The following PRAG1 variants were observed in gnomAD, a reference collection of about 807,000 sequenced individuals.
PRAG1 encodes inactive tyrosine-protein kinase PRAG1.
PRAG1 carries 110 observed loss-of-function variants against 95.6 expected under a neutral mutation model. The ratio of observed to expected loss-of-function variants is 1.15; its 90% CI spans 0.99 to 1.35. The LOEUF (loss-of-function observed/expected upper bound fraction) is 1.35, where lower values mean the gene tolerates loss of function less well. Among genes scored for constraint, PRAG1 ranks in the 40% most tolerant of loss-of-function variants. The pLI is 0.00. For synonymous variants in PRAG1, 1,052 were observed against 819.4 expected, an observed-to-expected ratio of 1.28 and a Z score of -4.85; for missense variants, 2,554 against 1,864.7, an observed-to-expected ratio of 1.37 and a Z score of -6.81.
intron 3 of PRAG1, among the ~76,000 whole-genome samples, chr8:8,375,178 T>C (rs1427870529): frequency 6.6e-6 from 1 of 151,410 alleles, no homozygotes; most frequent in African/African-American, 2.4e-5. Context: ...TTCAGCATGC[T>C]AACACAAAAC....
At chr8:8,380,896 A>T (rs1800612916) in intron 2 of PRAG1, among the ~76,000 whole-genome samples, 3 of 149,384 alleles carry the variant, frequency 2.0e-5, no homozygotes, top group Admixed American at 2.0e-4. Context: ...TGATAATGGT[A>T]TTGTGGTTAT....
In PRAG1 at chr8:8,377,225, C is replaced by T. The variant is rs779942164; in HGVS notation, c.1184G>A (p.Gly395Glu). The change falls in exon 3 of 6, where the codon GGG becomes GAG. Residue 395 changes from glycine (G) to glutamate (E), a missense_variant. Coordinates refer to ENST00000615670, the MANE Select transcript of PRAG1 (RefSeq NM_001080826.3). Reference sequence around the variant, plus strand: ...GGGGTGGGCCGGGGGCTGGGGCTCCCCCGTCAGCCCAAGGCATCTGCTAGG... The same window carrying T: ...GGGGTGGGCCGGGGGCTGGGGCTCCTCCGTCAGCCCAAGGCATCTGCTAGG... ...VTPSRCLGLTGEPQPPAHPRE... is the reference protein window; with the variant it reads ...VTPSRCLGLTEEPQPPAHPRE... 6.2e-7 allele frequency: 1 copy of T among 1,612,394 alleles called. No homozygotes were observed. Among genetic ancestry groups the T allele is most frequent in the Non-Finnish European group, 8.5e-7 (1 of 1,179,822 alleles).
chr8:8,364,036 A>C (rs944489118), intron 3 of PRAG1, among the ~76,000 whole-genome samples: 1 of 152,180 alleles, frequency 6.6e-6, no homozygotes. Context: ...CCCTGCTACT[A>C]TAATGTTATG....
At chr8:8,375,354 C>A (rs541634844) in intron 3 of PRAG1, among the ~76,000 whole-genome samples, 27 of 152,268 alleles carry the variant, frequency 1.8e-4, no homozygotes, top group African/African-American at 5.8e-4. Context: ...CAGGCGCCCG[C>A]CACCACGCCT....
chr8:8,358,198 C>A (rs978213129), intron 3 of PRAG1, among the ~76,000 whole-genome samples: 4 of 152,136 alleles, frequency 2.6e-5, no homozygotes, highest in Non-Finnish European at 5.9e-5. Context: ...GAAATGCTTA[C>A]AAGTTTATTA....
chr8:8,376,156 C>G, intron 3 of PRAG1, 91 bp downstream of exon 3: 2 of 1,505,414 alleles, frequency 1.3e-6, no homozygotes, highest in Non-Finnish European at 1.8e-6. Flanking sequence ...ATTCTGGGAC[C>G]TGGGCCTGAA....
intron 3 of PRAG1, among the ~76,000 whole-genome samples, chr8:8,358,194 C>T (rs530591878): frequency 6.6e-6 from 1 of 152,130 alleles, no homozygotes; most frequent in Non-Finnish European, 1.5e-5. Flanking sequence ...CAGGGAAATG[C>T]TTACAAGTTT....
chr8:8,318,318 T>G lies in PRAG1; in HGVS notation c.4057A>C (p.Asn1353His), dbSNP rs767246896. The G allele has an allele frequency of 6.2e-7, 1 of 1,614,120 alleles. No individual in the cohort carries two copies. Among genetic ancestry groups the G allele is most frequent in the Non-Finnish European group, 8.5e-7 (1 of 1,179,972 alleles). Residue 1353 changes from asparagine to histidine, a missense_variant, in exon 6 of 6, where the codon AAC becomes CAC. Coordinates refer to ENST00000615670, the MANE Select transcript of PRAG1 (RefSeq NM_001080826.3). This position sits in a 1 kb window ranked among gnomAD's most constrained non-coding sequence, Gnocchi z 4.2. ...SEEALCGTLH[N>H]WIDMKRALMM... Reference sequence around the variant, plus strand: ...AGGGCCCGCTTCATGTCGATCCAGTTGTGCAGCGTGCCGCACAGCGCCTCC... The same window carrying G: ...AGGGCCCGCTTCATGTCGATCCAGTGGTGCAGCGTGCCGCACAGCGCCTCC...
chr8:8,378,248 C>T (rs1203623575), intron 2 of PRAG1, among the ~76,000 whole-genome samples, 170 bp from the exon 3 acceptor site: 2 of 152,234 alleles, frequency 1.3e-5, no homozygotes, highest in African/African-American at 4.8e-5. Flanking sequence ...CATCTCCCCA[C>T]GGCCCTGTGA....
At position 8,378,005 on chromosome 8, in the gene PRAG1, C is replaced by A; in HGVS notation, c.404G>T (p.Ser135Ile). ...AGCAGGCTTCTGTACACCTCGGAAG[C>A]TGCCCAGGTAGACGACGGGGGCATC... The part of the protein sequence containing the change: ...QEDAPVVYLG[S>I]FRGVQKPAGP... Residue 135 changes from serine (S) to isoleucine (I), a missense_variant, in exon 3 of 6, where the codon AGC becomes ATC. Physicochemically the swap from Ser to Ile is moderately radical, Grantham distance 142. Coordinates refer to ENST00000615670, the MANE Select transcript of PRAG1 (RefSeq NM_001080826.3). 1.3e-6 allele frequency: 2 copies of A among 1,597,902 alleles called. No homozygotes were observed. Among genetic ancestry groups the A allele is most frequent in the Non-Finnish European group, 1.7e-6 (2 of 1,171,134 alleles).
chr8:8,320,950 A>G (rs1008028926), intron 5 of PRAG1, among the ~76,000 whole-genome samples: 3 of 152,238 alleles, frequency 2.0e-5, no homozygotes, highest in African/African-American at 7.2e-5. Context: ...TAATTTAGTA[A>G]TCTGTCTATT....
intron 3 of PRAG1, among the ~76,000 whole-genome samples, chr8:8,350,798 T>C (rs755741109): frequency 2.4e-4 from 36 of 152,200 alleles, no homozygotes; most frequent in South Asian, 8.3e-4. Flanking sequence ...ATGTGGATAA[T>C]GACAATACAT....
chr8:8,385,061 CA>C (rs905702906), intron 1 of PRAG1, among the ~76,000 whole-genome samples: 8 of 152,240 alleles, frequency 5.3e-5, no homozygotes, highest in Non-Finnish European at 8.8e-5. Context: ...TATTTTGGCC[CA>C]AAATACCCCC....
chr8:8,319,098 G>C lies in PRAG1; in HGVS notation c.3277C>G (p.Arg1093Gly), dbSNP rs566368077. Residue 1093 changes from arginine to glycine, a missense_variant, in exon 6 of 6, where the codon CGA (arginine) becomes GGA (glycine). Arg to Gly is a moderately radical substitution (Grantham distance 125). Transcript: ENST00000615670. ...QEQDCVVVIT[R>G]EVPHQTASDF... is the part of the protein sequence containing the mutation. Reference sequence around the variant, plus strand: ...GAGGCGGTCTGATGTGGCACCTCTCGGGTGATGACCACCACGCAGTCCTGC... The same window carrying C: ...GAGGCGGTCTGATGTGGCACCTCTCCGGTGATGACCACCACGCAGTCCTGC... The C allele has an allele frequency of 4.9e-5, 79 of 1,609,930 alleles. No homozygotes were observed. The highest frequency in any genetic ancestry group is 2.2e-5 in the East Asian group (1 of 44,844).
At chr8:8,374,356 C>T (rs1800310014) in intron 3 of PRAG1, among the ~76,000 whole-genome samples, 1 of 152,172 alleles carries the variant, frequency 6.6e-6, no homozygotes, top group South Asian at 2.1e-4. Flanking sequence ...CTAATTTACC[C>T]AGGACTGAGG....
rs1248206642 is a variant in PRAG1 at position 8,376,289 on chromosome 8, C to T, written c.2120G>A (p.Gly707Glu). 2 of 1,614,124 alleles carry T rather than the reference C, an allele frequency of 1.2e-6. No homozygotes were observed. Among genetic ancestry groups the T allele is most frequent in the East Asian group, 4.5e-5 (2 of 44,868 alleles). ...AGGAGGAGGTGAGAATGTCTCAATC[C>T]CACTTCTGTCCTTGGGGAACTCAAA... Reference protein sequence around the residue: ...FAFEFPKDRSGIETFSPPPPP... With the variant: ...FAFEFPKDRSEIETFSPPPPP... The change falls in exon 3 of 6, where the codon GGG becomes GAG. Residue 707 changes from glycine (G) to glutamate (E), a missense_variant. Coordinates refer to ENST00000615670, the MANE Select transcript of PRAG1 (RefSeq NM_001080826.3).
rs770030310 is a variant in PRAG1, at chr8:8,318,157, C to A, written c.4218G>T (p.Leu1406=). The change falls in exon 6 of 6, where the codon CTG becomes CTT. Residue 1406 remains leucine, a synonymous_variant. Transcript: ENST00000615670. This position sits in a 1 kb window ranked among gnomAD's most constrained non-coding sequence, Gnocchi z 4.2. The stretch of plus-strand genomic sequence containing the variant: ...ACGGTGCAGGCTGGGGCTTGGCTCA[C>A]AGAAGCTGCAGGAGCTTCAGCGACT... The part of the protein sequence containing the change: ...LLQSLKLLQL[L] 3.3e-5 allele frequency: 53 copies of A among 1,611,154 alleles called. No individual in the cohort carries two copies. The highest frequency in any genetic ancestry group is 4.5e-5 in the Non-Finnish European group (53 of 1,178,524).
intron 3 of PRAG1, among the ~76,000 whole-genome samples, chr8:8,375,095 T>C (rs1045410281): frequency 1.3e-5 from 2 of 151,856 alleles, no homozygotes; most frequent in Non-Finnish European, 2.9e-5. Context: ...AAAAAAAATT[T>C]ATTTTTCTCG....
chr8:8,351,398 G>A (rs1327593030), intron 3 of PRAG1, among the ~76,000 whole-genome samples: 4 of 152,096 alleles, frequency 2.6e-5, no homozygotes, highest in Non-Finnish European at 5.9e-5. Flanking sequence ...AGATTTAGGT[G>A]GGGACACAGA....
Sources: allele counts gnomAD v4.1 joint callset (sites outside exome capture counted in the v4.1 genomes callset), GRCh38; gene constraint gnomAD v4.1.1; non-coding constraint Gnocchi (gnomAD v3.1); transcripts MANE v1.5; gene names NCBI Gene and HGNC (gene_info 2026-07-23, HGNC 2026-07-21).